Variants in RAB40C observed in about 807,000 individuals in gnomAD.
RAB40C encodes ras-related protein Rab-40C.
RAB40C carries 8 observed loss-of-function variants against 28.1 expected under a neutral mutation model. The ratio of observed to expected loss-of-function variants is 0.28; its 90% confidence interval spans 0.17 to 0.51. The LOEUF (loss-of-function observed/expected upper bound fraction) is 0.51. Ranked by LOEUF, RAB40C falls within the 20% of genes least tolerant of loss-of-function variation. RAB40C has a pLI of 0.97. For synonymous variants in RAB40C, 201 were observed against 171.7 expected (o/e 1.17, Z -1.34); for missense variants, 288 against 405.9 (o/e 0.71, Z 2.50).
chr16:618,183 C>G lies in RAB40C; in HGVS notation c.204-17C>G, dbSNP rs751291711. The G allele has an allele frequency of 3.7e-6, 6 of 1,610,988 alleles. No individual in the cohort carries two copies. The highest frequency in any genetic ancestry group is 8.5e-7 in the Non-Finnish European group (1 of 1,179,002). ...AGGGACCACAGTCCCGGCCCCTCCCCTCCCCGTATGTTTCAGGGACACGTC... is the reference window on the plus strand; with the variant it reads ...AGGGACCACAGTCCCGGCCCCTCCCGTCCCCGTATGTTTCAGGGACACGTC... On this transcript the variant is annotated splice_polypyrimidine_tract_variant and intron_variant, in intron 2 of 5. Transcript: ENST00000248139.
In RAB40C at chr16:610,576, C is replaced by G. The variant is rs1268025979; in HGVS notation, c.143-6632C>G. Among the ~76,000 whole-genome samples the G allele has an allele frequency of 1.3e-5, 2 of 152,170 alleles. No homozygotes were observed. The highest frequency in any genetic ancestry group is 6.5e-5 in the Admixed American group (1 of 15,282). On this transcript the variant is annotated intron_variant, in intron 1 of 5. Coordinates refer to ENST00000248139, the MANE Select transcript of RAB40C (RefSeq NM_021168.5). The surrounding 1 kb of genome is among the most constrained non-coding windows in gnomAD (Gnocchi z 4.6). ...CAGGAGGTAAAAATGAACAGCACAC[C>G]AAGAGAATATGTCACAGCTGATGCC... is the stretch of plus-strand genomic sequence containing the variant.
chr16:608,917 C>G (rs982599598), intron 1 of RAB40C, among the ~76,000 whole-genome samples: 1 of 152,034 alleles, frequency 6.6e-6, no homozygotes, highest in Admixed American at 6.6e-5. Flanking sequence ...GAGCTCAAGA[C>G]CAGCCTGGGC....
chr16:616,167 A>G (rs2036580318), intron 1 of RAB40C, among the ~76,000 whole-genome samples: 1 of 151,388 alleles, frequency 6.6e-6, no homozygotes, highest in African/African-American at 2.4e-5. Context: ...GAGGCTAGAT[A>G]ATGGCGTGAA....
chr16:592,897 C>G (rs2036032263), intron 1 of RAB40C, among the ~76,000 whole-genome samples: 1 of 152,254 alleles, frequency 6.6e-6, no homozygotes, highest in Admixed American at 6.5e-5. Flanking sequence ...CACACTTCCT[C>G]TGACATGCTC....
chr16:619,134 AGT>A (rs1013131438), intron 3 of RAB40C, among the ~76,000 whole-genome samples: 1 of 134,404 alleles, frequency 7.4e-6, no homozygotes, highest in Non-Finnish European at 1.6e-5. Flanking sequence ...CCATGTGTGC[AGT>A]GTGTGCTCAG....
intron 1 of RAB40C, among the ~76,000 whole-genome samples, chr16:590,956 G>C (rs886919684): frequency 2.0e-5 from 3 of 151,670 alleles, no homozygotes; most frequent in African/African-American, 7.3e-5. Flanking sequence ...AGGATCTGGG[G>C]TCCGGGGAAA....
At chr16:615,320 C>T (rs1005000762) in intron 1 of RAB40C, among the ~76,000 whole-genome samples, 8 of 152,266 alleles carry the variant, frequency 5.3e-5, no homozygotes, top group Admixed American at 2.6e-4. Flanking sequence ...GCAGAGAGAC[C>T]GCATGGCTGG....
chr16:589,588 C>G (rs915104868), upstream of RAB40C: 1 of 152,282 alleles, frequency 6.6e-6, no homozygotes, highest in Non-Finnish European at 1.5e-5. Context: ...GATGGACATG[C>G]AAGCGACCCA....
At chr16:607,504 A>G (rs1225863679) in intron 1 of RAB40C, among the ~76,000 whole-genome samples, 1 of 150,156 alleles carries the variant, frequency 6.7e-6, no homozygotes, top group Admixed American at 6.6e-5. Flanking sequence ...ACTGTCTCAA[A>G]AAAAAAAAAA....
intron 5 of RAB40C, 75 bp downstream of exon 5, chr16:626,196 G>A: frequency 5.6e-6 from 8 of 1,436,992 alleles, no homozygotes; most frequent in Non-Finnish European, 6.8e-6. Flanking sequence ...GCTGAGGGGG[G>A]CCAGGGGCCA....
chr16:591,814 C>CAGA (rs2036005762), intron 1 of RAB40C, among the ~76,000 whole-genome samples: 1 of 152,136 alleles, frequency 6.6e-6, no homozygotes, highest in Non-Finnish European at 1.5e-5. Flanking sequence ...CCAGGATGGT[C>CAGA]TCAATCTCCT....
rs1403649214 is a variant in RAB40C, at chr16:610,307, GA to G, written c.143-6900del. Among the ~76,000 whole-genome samples the G allele has an allele frequency of 6.6e-6, 1 of 152,134 alleles. No individual in the cohort carries two copies. The highest frequency in any genetic ancestry group is 1.9e-4 in the East Asian group (1 of 5,180). On this transcript the variant is annotated intron_variant, in intron 1 of 5. Transcript: ENST00000248139. This position sits in a 1 kb window ranked among gnomAD's most constrained non-coding sequence, Gnocchi z 4.6. ...TCATGGGGTTGTGTTCAGGTCGGCTGAGAGGCAGCGCCTGGCTGGGGCTAGA... is the reference window on the plus strand; with the variant it reads ...TCATGGGGTTGTGTTCAGGTCGGCTGGAGGCAGCGCCTGGCTGGGGCTAGA...
At chr16:605,498 G>C (rs1023051180) in intron 1 of RAB40C, among the ~76,000 whole-genome samples, 1 of 152,232 alleles carries the variant, frequency 6.6e-6, no homozygotes, top group Non-Finnish European at 1.5e-5. Context: ...CCCCGGCCTG[G>C]CATGTCACTG....
At chr16:623,137 C>T (rs2151080095) in intron 3 of RAB40C, among the ~76,000 whole-genome samples, 1 of 152,342 alleles carries the variant, frequency 6.6e-6, no homozygotes, top group East Asian at 1.9e-4. Flanking sequence ...CCAGGGCCCC[C>T]CGCGTCACAG....
Position 627,904 on chromosome 16 carries a change from T to G in RAB40C, c.*282T>G. The G allele has an allele frequency of 2.3e-6, 1 of 433,142 alleles. No individual in the cohort carries two copies. Among genetic ancestry groups the G allele is most frequent in the Non-Finnish European group, 4.1e-6 (1 of 246,058 alleles). The allele number at this position is 433,142 out of a possible 1,614,324, so 26.8% of individuals were successfully genotyped here. A position where few individuals can be genotyped will look rare whatever the true frequency, so the allele number is the denominator to read the frequency against. On this transcript the variant is annotated 3_prime_UTR_variant, in exon 6 of 6. Coordinates refer to ENST00000248139, the MANE Select transcript of RAB40C (RefSeq NM_021168.5). ...GCCTGGGCTTGACCGGCGGGGAGCC[T>G]GGTTGGCCTTTCTTATTTATATAGA...
chr16:623,365 C>T lies in RAB40C; in HGVS notation c.265-2067C>T, dbSNP rs1183352820. ...ATACTTTTATTTTTTAAAAATCATG[C>T]TGGGCCGGGCGCGGTGGCTCACGCC... is the stretch of plus-strand genomic sequence containing the variant. On this transcript the variant is annotated intron_variant, in intron 3 of 5. Transcript: ENST00000248139. Among the ~76,000 whole-genome samples, 2 of 152,176 alleles carry T rather than the reference C, an allele frequency of 1.3e-5. 1 individual carries two copies. The highest frequency in any genetic ancestry group is 2.9e-5 in the Non-Finnish European group (2 of 68,042).
At chr16:606,892 C>T (rs945015647) in intron 1 of RAB40C, among the ~76,000 whole-genome samples, 1 of 152,194 alleles carries the variant, frequency 6.6e-6, no homozygotes, top group Admixed American at 6.5e-5. Flanking sequence ...ATCCGTGCAC[C>T]TTAATCCTGT....
chr16:620,006 G>T (rs2036678919), intron 3 of RAB40C, among the ~76,000 whole-genome samples: 2 of 152,236 alleles, frequency 1.3e-5, no homozygotes, highest in Admixed American at 1.3e-4. Context: ...TGCCATCCCT[G>T]TGAGAACTGG....
At chr16:590,564 A>G in intron 1 of RAB40C, 131 bp downstream of exon 1, 4 of 1,204,756 alleles carry the variant, frequency 3.3e-6, no homozygotes, top group Non-Finnish European at 4.3e-6. Context: ...CCTGGCTTCC[A>G]GACTCGGTAG....
Sources: allele counts gnomAD v4.1 joint callset (sites outside exome capture counted in the v4.1 genomes callset), GRCh38; gene constraint gnomAD v4.1.1; non-coding constraint Gnocchi (gnomAD v3.1); transcripts MANE v1.5; gene names NCBI Gene and HGNC (gene_info 2026-07-23, HGNC 2026-07-21).